IL12RB1: variants seen among roughly 807,000 people sequenced by gnomAD.
The protein encoded by IL12RB1 is interleukin-12 receptor subunit beta-1.
Under a neutral mutation model 94.4 loss-of-function variants are expected in IL12RB1, and 64 were observed. That is an observed-to-expected ratio of 0.68 (90% CI 0.55 to 0.83). The LOEUF (loss-of-function observed/expected upper bound fraction) is 0.83. IL12RB1 is among the 40% of genes least tolerant of loss of function. IL12RB1 has a pLI of 0.00. For synonymous variants in IL12RB1, 362 were observed against 355.5 expected (o/e 1.02, Z -0.21); for missense variants, 814 against 855.6 (o/e 0.95, Z 0.61).
intron 12 of IL12RB1, 126 bp from the exon 13 acceptor site, chr19:18,064,136 T>C: frequency 2.0e-6 from 1 of 498,036 alleles, no homozygotes; most frequent in Non-Finnish European, 3.6e-6. Flanking sequence ...TACTCTTTCT[T>C]TCTTTTTTTT....
At chr19:18,082,771 G>A (rs1348907354) in intron 2 of IL12RB1, among the ~76,000 whole-genome samples, 2 of 152,134 alleles carry the variant, frequency 1.3e-5, no homozygotes, top group African/African-American at 4.8e-5. Context: ...GGGTGCATTA[G>A]GAGCATAAAT....
intron 12 of IL12RB1, among the ~76,000 whole-genome samples, chr19:18,064,360 C>T (rs1321129542): frequency 4.0e-5 from 6 of 151,412 alleles, no homozygotes; most frequent in South Asian, 2.1e-4. Flanking sequence ...AGGATGGTCT[C>T]GATCTCCTGA....
intron 12 of IL12RB1, among the ~76,000 whole-genome samples, chr19:18,064,385 C>G (rs1226084324): frequency 1.3e-5 from 2 of 151,692 alleles, no homozygotes; most frequent in African/African-American, 4.8e-5. Context: ...GTGATCTGCC[C>G]ACCTCGGCCT....
intron 1 of IL12RB1, chr19:18,097,790 G>A: frequency 3.3e-6 from 4 of 1,221,058 alleles, no homozygotes; most frequent in East Asian, 3.2e-5. Context: ...GGACTCCCGG[G>A]CCATGGACGA....
rs1401716186 is a variant in IL12RB1 at position 18,067,478 on chromosome 19, C to T, written c.1328-781G>A. Among the ~76,000 whole-genome samples, 4 of 152,184 alleles carry T rather than the reference C, an allele frequency of 2.6e-5. No homozygotes were observed. In the South Asian group the frequency reaches 6.2e-4, roughly 24 times the overall value. Reference sequence around the variant, plus strand: ...CTGCCACTCAGTCACTGTCATTTCCCTTCCCTGGGCCTCAGTTTTCTTATC... The same window carrying T: ...CTGCCACTCAGTCACTGTCATTTCCTTTCCCTGGGCCTCAGTTTTCTTATC... On this transcript the variant is annotated intron_variant, in intron 11 of 16. Coordinates refer to ENST00000593993, the MANE Select transcript of IL12RB1 (RefSeq NM_005535.3).
chr19:18,067,775 C>T (rs1036694138), intron 11 of IL12RB1, among the ~76,000 whole-genome samples: 1 of 152,174 alleles, frequency 6.6e-6, no homozygotes, highest in African/African-American at 2.4e-5. Flanking sequence ...TAGCTCACTG[C>T]AGCCTCAAAC....
At position 18,086,843 on chromosome 19, in the gene IL12RB1, A is replaced by G; in HGVS notation, c.-20T>C. 6.2e-7 allele frequency: 1 copy of G among 1,604,902 alleles called. No homozygotes were observed. The highest frequency in any genetic ancestry group is 8.5e-7 in the Non-Finnish European group (1 of 1,175,854). On this transcript the variant is annotated 5_prime_UTR_variant, in exon 1 of 17. Coordinates refer to ENST00000593993, the MANE Select transcript of IL12RB1 (RefSeq NM_005535.3). The stretch of plus-strand genomic sequence containing the variant: ...CTCCATCGGATCCACGTAGAGCCCC[A>G]CAGCCCCAGGGGAGCCTCTCTGCCA...
chr19:18,071,355 A>G, intron 9 of IL12RB1: 1 of 990,608 alleles, frequency 1.0e-6, no homozygotes, highest in Non-Finnish European at 1.4e-6. Flanking sequence ...AAAAAAAGAA[A>G]TTAGATCTTA....
intron 6 of IL12RB1, 68 bp from the exon 7 acceptor site, chr19:18,075,936 A>T: frequency 6.6e-7 from 1 of 1,509,878 alleles, no homozygotes; most frequent in Non-Finnish European, 9.2e-7. Flanking sequence ...TCACTTAACC[A>T]TCATGTGCTT....
At chr19:18,068,590 C>T (rs1326094931) in intron 10 of IL12RB1, 64 bp from the exon 11 acceptor site, 12 of 1,387,786 alleles carry the variant, frequency 8.6e-6, no homozygotes, top group African/African-American at 1.4e-5. Flanking sequence ...CACCTTTGCA[C>T]TGGCTGTGCC....
intron 1 of IL12RB1, among the ~76,000 whole-genome samples, chr19:18,095,871 T>C (rs426132): frequency 0.23 from 35,532 of 151,796 alleles, 4,478 homozygotes; most frequent in African/African-American, 0.29. Flanking sequence ...CACTGTACAG[T>C]GGGGCAGCCG....
intron 13 of IL12RB1, among the ~76,000 whole-genome samples, chr19:18,063,078 ATTTTTTTTTTTTTTTTTTTT>A (rs67262412): frequency 5.2e-4 from 27 of 51,466 alleles, no homozygotes; most frequent in African/African-American, 1.7e-3. Context: ...TTCTTCTTCT[ATTTTTTTTTTTTTTTTTTTT>A]TTTTTTTTTT....
chr19:18,094,118 G>T (rs1364193714), intron 1 of IL12RB1, among the ~76,000 whole-genome samples: 1 of 152,162 alleles, frequency 6.6e-6, no homozygotes, highest in Non-Finnish European at 1.5e-5. Context: ...ATTGGTTTGT[G>T]TTTTGTTTTG....
chr19:18,069,954 C>T (rs1479721581), intron 9 of IL12RB1, among the ~76,000 whole-genome samples: 2 of 151,940 alleles, frequency 1.3e-5, no homozygotes, highest in Non-Finnish European at 2.9e-5. Flanking sequence ...CTTGCTCTGT[C>T]GCCCAGGCTG....
At chr19:18,096,826 A>C (rs949562836) in intron 1 of IL12RB1, among the ~76,000 whole-genome samples, 2 of 124,968 alleles carry the variant, frequency 1.6e-5, no homozygotes, top group African/African-American at 7.0e-5. Flanking sequence ...GACTCGTCTC[A>C]TAAATTAAAA....
intron 9 of IL12RB1, 103 bp from the exon 10 acceptor site, chr19:18,069,816 C>A: frequency 2.3e-6 from 2 of 877,460 alleles, no homozygotes; most frequent in Non-Finnish European, 3.8e-6. Flanking sequence ...GTCTATACCC[C>A]TGACCCTACA....
chr19:18,065,930 T>A (rs1410225541), intron 12 of IL12RB1, among the ~76,000 whole-genome samples: 2 of 151,480 alleles, frequency 1.3e-5, no homozygotes, highest in African/African-American at 4.9e-5. Flanking sequence ...TTCCAGCTAC[T>A]AGGGAGGCTG....
Position 18,083,472 on chromosome 19 carries a change from C to T in IL12RB1, c.84G>A (p.Glu28=). 1 of 1,613,864 alleles carries T rather than the reference C, an allele frequency of 6.2e-7. No individual in the cohort carries two copies. The highest frequency in any genetic ancestry group is 8.5e-7 in the Non-Finnish European group (1 of 1,179,998). Residue 28 remains glutamate (E), a synonymous_variant, in exon 2 of 17, where the codon GAG becomes GAA. Transcript: ENST00000593993. ...GATATGGCGGGTCCTGAAAACAGCACTCACTGGTTCTGCAGGCAGCTGCAA... is the reference window on the plus strand; with the variant it reads ...GATATGGCGGGTCCTGAAAACAGCATTCACTGGTTCTGCAGGCAGCTGCAA... The part of the protein sequence containing the change: ...SRQGAACRTS[E]CCFQDPPYPD...
intron 3 of IL12RB1, among the ~76,000 whole-genome samples, chr19:18,081,425 C>T (rs1012762275): frequency 6.6e-6 from 1 of 151,910 alleles, no homozygotes; most frequent in Non-Finnish European, 1.5e-5. Flanking sequence ...CCTTGTACAC[C>T]TCCTCCCCCA....
Sources: allele counts gnomAD v4.1 joint callset (sites outside exome capture counted in the v4.1 genomes callset), GRCh38; gene constraint gnomAD v4.1.1; transcripts MANE v1.5; gene names NCBI Gene and HGNC (gene_info 2026-07-23, HGNC 2026-07-21).